The following EPHA6 variants were observed in gnomAD, a reference collection of about 807,000 sequenced individuals.
The protein encoded by EPHA6 is ephrin type-A receptor 6.
In EPHA6, 50 loss-of-function variants were observed where a neutral mutation model predicts 112.0. That is an observed-to-expected ratio of 0.45 (90% CI 0.36 to 0.56). The LOEUF is 0.56. EPHA6 is among the 20% of genes least tolerant of loss of function. The probability of loss-of-function intolerance (pLI) is 0.00; values close to 1 mark genes in which losing one functional copy is unlikely to be tolerated. For synonymous variants in EPHA6, 529 were observed against 490.7 expected (o/e 1.08, Z -1.03); for missense variants, 1,280 against 1,417.4 (o/e 0.90, Z 1.56).
rs770880656 is a variant in EPHA6, at chr3:97,756,759, G to C, written c.*8058G>C. Among the ~76,000 whole-genome samples, 4 of 151,806 alleles carry C rather than the reference G, an allele frequency of 2.6e-5. No individual in the cohort carries two copies. Among genetic ancestry groups the C allele is most frequent in the Non-Finnish European group, 5.9e-5 (4 of 67,774 alleles). ...GCGAGCAGGACACAATATCTGAGCA[G>C]TGTTAACAAATATGAACATGAGTAA... On this transcript the variant is annotated 3_prime_UTR_variant, in exon 18 of 18. Transcript: ENST00000389672.
intron 5 of EPHA6, among the ~76,000 whole-genome samples, chr3:97,374,383 T>G (rs141088421): frequency 6.6e-6 from 1 of 152,256 alleles, no homozygotes; most frequent in East Asian, 1.9e-4. Flanking sequence ...CATTCTTCCC[T>G]AGGCCCCGGT....
intron 2 of EPHA6, among the ~76,000 whole-genome samples, chr3:96,889,105 C>T (rs1379347299): frequency 2.6e-5 from 4 of 152,116 alleles, no homozygotes; most frequent in Non-Finnish European, 5.9e-5. Flanking sequence ...CAACAAGTTC[C>T]TCATTTGCAT....
intron 5 of EPHA6, among the ~76,000 whole-genome samples, chr3:97,349,521 CA>C (rs2083697153): frequency 6.6e-6 from 1 of 152,012 alleles, no homozygotes; most frequent in South Asian, 2.1e-4. Flanking sequence ...ATATCTTCCA[CA>C]AGGTATTTAG....
intron 10 of EPHA6, 102 bp from the exon 11 acceptor site, chr3:97,532,253 TAAG>T (rs1187975451): frequency 1.1e-6 from 1 of 948,294 alleles, no homozygotes; most frequent in African/African-American, 1.7e-5. Flanking sequence ...ATAACATACT[TAAG>T]AGTCATTATG....
intron 6 of EPHA6, among the ~76,000 whole-genome samples, chr3:97,429,934 C>G (rs1031523047): frequency 6.6e-6 from 1 of 152,156 alleles, no homozygotes; most frequent in Non-Finnish European, 1.5e-5. Context: ...CAGTCAGAGT[C>G]TTGTTACCAT....
In EPHA6 at chr3:96,889,919, T is replaced by A. The variant is rs532512394; in HGVS notation, c.450+23030T>A. Among the ~76,000 whole-genome samples the A allele has an allele frequency of 8.3e-4, 127 of 152,250 alleles. 1 individual carries two copies. Among genetic ancestry groups the A allele is most frequent in the African/African-American group, 2.9e-3 (121 of 41,550 alleles). ...GATTTACAAGATGGTATTGCAATAA[T>A]ATGAGAAAAACATTTTTCAATAAAT... is the stretch of plus-strand genomic sequence containing the variant. On this transcript the variant is annotated intron_variant, in intron 2 of 17. Transcript: ENST00000389672.
Position 97,205,100 on chromosome 3 carries a change from A to T in EPHA6, c.1115-21164A>T, listed in dbSNP as rs560914746. ...TTGTTTCACAAAAGCACTCATTCCA[A>T]TCAGTTGGAAAATGTAGAAAGGCTT... On this transcript the variant is annotated intron_variant, in intron 3 of 17. Transcript: ENST00000389672. Among the ~76,000 whole-genome samples, 8 of 152,234 alleles carry T rather than the reference A, an allele frequency of 5.3e-5. No homozygotes were observed. In the East Asian group the frequency reaches 1.5e-3, roughly 29 times the overall value.
At chr3:97,179,717 GTCTCTC>G (rs71113852) in intron 3 of EPHA6, among the ~76,000 whole-genome samples, 5,272 of 119,106 alleles carry the variant, frequency 0.044, 124 homozygotes, top group Non-Finnish European at 0.055. Flanking sequence ...AACCTACAGA[GTCTCTC>G]TCTCTCTCTC....
chr3:97,412,032 G>A (rs2087752288), intron 6 of EPHA6, among the ~76,000 whole-genome samples: 1 of 152,050 alleles, frequency 6.6e-6, no homozygotes, highest in South Asian at 2.1e-4. Flanking sequence ...GCAGGAGAAA[G>A]TCAAAGGGTG....
intron 12 of EPHA6, among the ~76,000 whole-genome samples, chr3:97,596,200 C>T (rs1323306733): frequency 2.0e-5 from 3 of 152,136 alleles, no homozygotes; most frequent in South Asian, 2.1e-4. Flanking sequence ...CCACCGCGCC[C>T]GGCCATATCA....
chr3:96,844,397 T>C (rs2034945572), intron 1 of EPHA6, among the ~76,000 whole-genome samples: 1 of 152,042 alleles, frequency 6.6e-6, no homozygotes, highest in Admixed American at 6.6e-5. Context: ...GCATTCTTTC[T>C]TTGCCCTTCT....
chr3:97,032,117 A>G (rs1208831485), intron 3 of EPHA6, among the ~76,000 whole-genome samples: 3 of 152,222 alleles, frequency 2.0e-5, no homozygotes, highest in African/African-American at 7.2e-5. Context: ...CTATGCAGCC[A>G]TAAAAAAGGA....
chr3:96,818,219 A>G (rs1221340655), intron 1 of EPHA6, among the ~76,000 whole-genome samples: 2 of 151,982 alleles, frequency 1.3e-5, no homozygotes, highest in Non-Finnish European at 2.9e-5. Context: ...TAAGTTAACC[A>G]TTTACCGTGT....
intron 2 of EPHA6, among the ~76,000 whole-genome samples, chr3:96,871,790 A>G (rs1212576375): frequency 6.6e-6 from 1 of 152,102 alleles, no homozygotes; most frequent in Non-Finnish European, 1.5e-5. Flanking sequence ...TGCTTGATAT[A>G]TAATCAAAAC....
Position 97,690,293 on chromosome 3 carries a change from T to A in EPHA6, c.2785-29968T>A, listed in dbSNP as rs377257410. On this transcript the variant is annotated intron_variant, in intron 14 of 17. Coordinates refer to ENST00000389672, the MANE Select transcript of EPHA6 (RefSeq NM_001080448.3). ...GAATGAGGGTTCTAATTTCAGGACA[T>A]CCTGGCTAACACCTGTTGTTGTCTA... Among the ~76,000 whole-genome samples, 14 of 152,346 alleles carry A rather than the reference T, an allele frequency of 9.2e-5. No individual in the cohort carries two copies. The South Asian group carries it at 2.7e-3, about 29-fold the overall frequency.
intron 1 of EPHA6, among the ~76,000 whole-genome samples, chr3:96,838,053 C>A (rs1217509344): frequency 6.6e-6 from 1 of 152,030 alleles, no homozygotes; most frequent in Non-Finnish European, 1.5e-5. Context: ...CTCCGACAGG[C>A]CCCAGTGTGT....
chr3:97,532,767 A>G (rs1410438328), intron 11 of EPHA6, among the ~76,000 whole-genome samples: 1 of 152,034 alleles, frequency 6.6e-6, no homozygotes, highest in African/African-American at 2.4e-5. Flanking sequence ...TTCCTAACAT[A>G]ACTTAAAGTA....
At chr3:97,532,581 C>T (rs142938533) in intron 11 of EPHA6, 38 bp downstream of exon 11, 9 of 1,519,416 alleles carry the variant, frequency 5.9e-6, no homozygotes, top group Non-Finnish European at 8.0e-6. Flanking sequence ...CTTTCACACA[C>T]CTATCTCAGT....
At chr3:97,376,419 C>T (rs2085359768) in intron 5 of EPHA6, among the ~76,000 whole-genome samples, 1 of 152,150 alleles carries the variant, frequency 6.6e-6, no homozygotes, top group Non-Finnish European at 1.5e-5. Context: ...TCCAGTTTCT[C>T]TTTATCTACA....
Sources: allele counts gnomAD v4.1 joint callset (sites outside exome capture counted in the v4.1 genomes callset), GRCh38; gene constraint gnomAD v4.1.1; transcripts MANE v1.5; gene names NCBI Gene and HGNC (gene_info 2026-07-23, HGNC 2026-07-21).